Variants in COL24A1 observed in about 807,000 individuals in gnomAD.
The protein encoded by COL24A1 is collagen type XXIV alpha 1 chain.
A neutral mutation model predicts 253.9 loss-of-function variants in COL24A1; 224 were observed. The observed-to-expected ratio is 0.88, with a 90% CI of 0.79 to 0.99. COL24A1 has a LOEUF of 0.99. COL24A1 is among the 50% of genes least tolerant of loss of function. The pLI is 0.00. For missense variants in COL24A1, 2,131 were observed against 2,068.5 expected (o/e 1.03, Z -0.59); for synonymous variants, 685 against 673.7 (o/e 1.02, Z -0.26).
intron 53 of COL24A1, among the ~76,000 whole-genome samples, chr1:85,764,328 A>G (rs1667135960): frequency 6.6e-6 from 1 of 152,118 alleles, no homozygotes; most frequent in African/African-American, 2.4e-5. Context: ...GATTAACTAG[A>G]TAGTAATGTA....
chr1:86,118,924 C>G (rs1380648262), intron 3 of COL24A1, among the ~76,000 whole-genome samples: 1 of 152,058 alleles, frequency 6.6e-6, no homozygotes, highest in Non-Finnish European at 1.5e-5. Flanking sequence ...AAAAGTGGGG[C>G]AAGAGGCAGT....
intron 22 of COL24A1, among the ~76,000 whole-genome samples, chr1:85,965,491 C>A (rs780357668): frequency 5.3e-5 from 8 of 151,970 alleles, no homozygotes; most frequent in Non-Finnish European, 1.0e-4. Context: ...AAGTTCTTTG[C>A]AGATTACTTG....
intron 37 of COL24A1, among the ~76,000 whole-genome samples, chr1:85,867,753 C>T (rs368437020): frequency 3.3e-5 from 5 of 152,034 alleles, no homozygotes; most frequent in African/African-American, 1.2e-4. Context: ...CTGTCTCTCT[C>T]TCTCTTTTTG....
intron 7 of COL24A1, among the ~76,000 whole-genome samples, chr1:86,082,126 A>ATC (rs71078639): frequency 0.33 from 50,381 of 151,872 alleles, 8,813 homozygotes; most frequent in Middle Eastern, 0.49. Flanking sequence ...GTAGAAGCAT[A>ATC]TCTCTCGAAC....
chr1:86,080,974 G>A lies in COL24A1; in HGVS notation c.1707+8200C>T, dbSNP rs79536575. On this transcript the variant is annotated intron_variant, in intron 7 of 59. Coordinates refer to ENST00000370571, the MANE Select transcript of COL24A1 (RefSeq NM_152890.7). ...ATAACCAATGGGAAAATTTACAATT[G>A]TTCCATGACCTTTAAATATTTTTGT... Among the ~76,000 whole-genome samples, 369 of 152,182 alleles carry A rather than the reference G, an allele frequency of 2.4e-3. 10 individuals carry two copies. In the East Asian group the frequency reaches 0.046, roughly 19 times the overall value.
At chr1:85,976,120 A>C (rs1403892244) in intron 20 of COL24A1, among the ~76,000 whole-genome samples, 1 of 152,184 alleles carries the variant, frequency 6.6e-6, no homozygotes, top group Non-Finnish European at 1.5e-5. Flanking sequence ...TCTAGAGCAG[A>C]ATCTGAGGGT....
chr1:85,859,945 G>T (rs1381599976), intron 37 of COL24A1, among the ~76,000 whole-genome samples: 1 of 151,944 alleles, frequency 6.6e-6, no homozygotes, highest in Non-Finnish European at 1.5e-5. Context: ...TAGCAAGACC[G>T]CATCTCTTTA....
intron 19 of COL24A1, among the ~76,000 whole-genome samples, chr1:86,001,010 T>C (rs1368701104): frequency 1.3e-5 from 2 of 152,210 alleles, no homozygotes; most frequent in East Asian, 1.9e-4. Context: ...ATTTTCCATA[T>C]GTTTTTATTA....
intron 59 of COL24A1, among the ~76,000 whole-genome samples, chr1:85,732,234 C>CTTTTT (rs747341554): frequency 6.9e-6 from 1 of 145,978 alleles, no homozygotes; most frequent in Non-Finnish European, 1.5e-5. Flanking sequence ...CTTTTCTTTT[C>CTTTTT]TTTTTTTTTT....
At chr1:86,058,615 T>C (rs1010535962) in intron 9 of COL24A1, among the ~76,000 whole-genome samples, 5 of 151,646 alleles carry the variant, frequency 3.3e-5, no homozygotes, top group African/African-American at 7.2e-5. Flanking sequence ...CTACATGAAG[T>C]ACAGAAAGTT....
intron 4 of COL24A1, among the ~76,000 whole-genome samples, chr1:86,114,103 G>A (rs1705891890): frequency 6.6e-6 from 1 of 151,934 alleles, no homozygotes; most frequent in African/African-American, 2.4e-5. Flanking sequence ...TATAAAAGAG[G>A]GATAACTTGT....
chr1:85,797,945 C>A (rs972769665), intron 47 of COL24A1, among the ~76,000 whole-genome samples: 2 of 152,116 alleles, frequency 1.3e-5, no homozygotes, highest in Non-Finnish European at 1.5e-5. Flanking sequence ...GCAATCCCAG[C>A]ACTTTGGGAG....
At chr1:85,894,896 C>T (rs1683500208) in intron 31 of COL24A1, among the ~76,000 whole-genome samples, 1 of 152,150 alleles carries the variant, frequency 6.6e-6, no homozygotes, top group African/African-American at 2.4e-5. Context: ...AATGCAGTGA[C>T]ATTTACTACA....
chr1:85,770,613 C>CT (rs142120157), intron 53 of COL24A1, among the ~76,000 whole-genome samples: 4,387 of 152,150 alleles, frequency 0.029, 207 homozygotes, highest in African/African-American at 0.1. Flanking sequence ...TATAAATAAC[C>CT]TTTTTACTAT....
At chr1:86,069,581 T>A (rs909077881) in intron 7 of COL24A1, among the ~76,000 whole-genome samples, 1 of 152,124 alleles carries the variant, frequency 6.6e-6, no homozygotes, top group Non-Finnish European at 1.5e-5. Flanking sequence ...AGCTCATGTC[T>A]GACCCAGCAC....
chr1:86,027,678 A>C (rs909118081), intron 14 of COL24A1, among the ~76,000 whole-genome samples: 3 of 150,984 alleles, frequency 2.0e-5, no homozygotes, highest in South Asian at 4.2e-4. Context: ...CTGCTAGGAC[A>C]GTGTAGAAGG....
chr1:85,870,052 T>C (rs1053460751), intron 35 of COL24A1, among the ~76,000 whole-genome samples: 27 of 152,210 alleles, frequency 1.8e-4, no homozygotes, highest in African/African-American at 5.8e-4. Context: ...GCAATCCTAG[T>C]CACTGATAAA....
chr1:85,742,778 G>C (rs1664793792), intron 57 of COL24A1, among the ~76,000 whole-genome samples: 1 of 151,990 alleles, frequency 6.6e-6, no homozygotes, highest in African/African-American at 2.4e-5. Context: ...AACAAAAACT[G>C]CTGGCTCTAC....
chr1:85,944,101 GATT>G (rs1558747680), intron 24 of COL24A1, among the ~76,000 whole-genome samples: 1 of 152,184 alleles, frequency 6.6e-6, no homozygotes, highest in Non-Finnish European at 1.5e-5. Context: ...CTTTGGAAAA[GATT>G]ATATGGCTAT....
Sources: allele counts gnomAD v4.1 joint callset (sites outside exome capture counted in the v4.1 genomes callset), GRCh38; gene constraint gnomAD v4.1.1; transcripts MANE v1.5; gene names NCBI Gene and HGNC (gene_info 2026-07-23, HGNC 2026-07-21).